Variants in SLC24A2 observed in about 807,000 individuals in gnomAD.
SLC24A2 encodes the protein sodium/potassium/calcium exchanger 2.
Under a neutral mutation model 62.0 loss-of-function variants are expected in SLC24A2, and 36 were observed. The ratio of observed to expected loss-of-function variants is 0.58; its 90% CI spans 0.44 to 0.77. The LOEUF (loss-of-function observed/expected upper bound fraction) is 0.77. Among genes scored for constraint, SLC24A2 ranks in the 30% least tolerant of loss-of-function variants. SLC24A2 has a pLI of 0.00. For synonymous variants in SLC24A2, 358 were observed against 294.0 expected (o/e 1.22, Z -2.23); for missense variants, 846 against 817.9 (o/e 1.03, Z -0.42).
At chr9:20,194,950 C>A in the SLC24A2 span, among the ~76,000 whole-genome samples, 1 of 152,052 alleles carries the variant, frequency 6.6e-6, no homozygotes, top group East Asian at 1.9e-4. Flanking sequence ...TAACTACATT[C>A]GTGTTTTTCT....
the SLC24A2 span, among the ~76,000 whole-genome samples, chr9:20,194,858 C>T: frequency 0.04 from 6,045 of 152,126 alleles, 409 homozygotes; most frequent in African/African-American, 0.14. Context: ...GACACACACA[C>T]GCATGCACAC....
the SLC24A2 span, among the ~76,000 whole-genome samples, chr9:20,265,203 G>C: frequency 6.6e-6 from 1 of 152,224 alleles, no homozygotes; most frequent in African/African-American, 2.4e-5. Flanking sequence ...GCTTCTGTCA[G>C]AGCAGCCGGC....
chr9:19,522,034 G>A (rs976785951), intron 9 of SLC24A2, among the ~76,000 whole-genome samples: 4 of 152,062 alleles, frequency 2.6e-5, no homozygotes, highest in Admixed American at 1.3e-4. Context: ...TTAGAGATGG[G>A]TTCTTGCTCT....
At chr9:20,080,282 T>G in the SLC24A2 span, among the ~76,000 whole-genome samples, 3 of 152,186 alleles carry the variant, frequency 2.0e-5, no homozygotes, top group Admixed American at 1.3e-4. Context: ...AACAGAGATA[T>G]AGACCAATGG....
the SLC24A2 span, among the ~76,000 whole-genome samples, chr9:20,170,132 A>T: frequency 0.15 from 19,775 of 132,818 alleles, 1,629 homozygotes; most frequent in Middle Eastern, 0.34. Context: ...CAACAAAGAC[A>T]AAAAGAAAAA....
At chr9:20,254,202 T>C in the SLC24A2 span, among the ~76,000 whole-genome samples, 1 of 152,238 alleles carries the variant, frequency 6.6e-6, no homozygotes, top group Non-Finnish European at 1.5e-5. Flanking sequence ...TTGAGGCACT[T>C]GGAATTTGTG....
At chr9:19,791,714 A>T (rs997695625), upstream of SLC24A2, among the ~76,000 whole-genome samples, 1 of 152,244 alleles carries the variant, frequency 6.6e-6, no homozygotes, top group Non-Finnish European at 1.5e-5. Context: ...CTTATTGCCT[A>T]GTCATAAAGA....
At chr9:19,934,238 C>T in the SLC24A2 span, among the ~76,000 whole-genome samples, 1 of 152,186 alleles carries the variant, frequency 6.6e-6, no homozygotes, top group Admixed American at 6.5e-5. The surrounding 1 kb of genome is among the most constrained non-coding windows in gnomAD (Gnocchi z 4.1). Context: ...CTTATTAGGG[C>T]AGTTTCCAAG....
chr9:19,836,948 C>G, the SLC24A2 span, among the ~76,000 whole-genome samples: 1 of 152,158 alleles, frequency 6.6e-6, no homozygotes, highest in Non-Finnish European at 1.5e-5. Context: ...AAATGTAATT[C>G]AGCATATAAA....
the SLC24A2 span, among the ~76,000 whole-genome samples, chr9:20,168,994 A>G: frequency 6.6e-6 from 1 of 152,072 alleles, no homozygotes; most frequent in African/African-American, 2.4e-5. Context: ...TGTGGTATAT[A>G]CACACAATGA....
At chr9:19,748,682 GTT>G (rs869284331) in intron 2 of SLC24A2, among the ~76,000 whole-genome samples, 2 of 25,488 alleles carry the variant, frequency 7.8e-5, no homozygotes, top group Admixed American at 2.4e-4. Context: ...TGATTTTTTT[GTT>G]TGTTTGTTTG....
the SLC24A2 span, among the ~76,000 whole-genome samples, chr9:20,219,550 G>A: frequency 9.7e-3 from 1,481 of 152,204 alleles, 65 homozygotes; most frequent in Admixed American, 0.07. Context: ...GGCAGGTTGC[G>A]CTTATGTTAA....
the SLC24A2 span, among the ~76,000 whole-genome samples, chr9:20,249,751 G>T: frequency 1.4e-5 from 2 of 147,748 alleles, no homozygotes; most frequent in Admixed American, 1.3e-4. Context: ...ATGTCATGTA[G>T]CACTGAGTAA....
the SLC24A2 span, among the ~76,000 whole-genome samples, chr9:20,285,327 G>A: frequency 6.6e-6 from 1 of 152,232 alleles, no homozygotes; most frequent in African/African-American, 2.4e-5. Flanking sequence ...GAGTTGGCTT[G>A]TGTGATTATG....
chr9:19,608,320 T>TC (rs1228286973), intron 4 of SLC24A2, among the ~76,000 whole-genome samples: 1 of 151,758 alleles, frequency 6.6e-6, no homozygotes, highest in East Asian at 1.9e-4. Flanking sequence ...TTTGAAGCTT[T>TC]TTTTTTTTTT....
the SLC24A2 span, among the ~76,000 whole-genome samples, chr9:19,825,450 T>G: frequency 1.3e-5 from 2 of 152,152 alleles, no homozygotes; most frequent in East Asian, 3.9e-4. Flanking sequence ...ACCTGACAAC[T>G]AGTTTATGAT....
chr9:19,832,901 AC>A, the SLC24A2 span, among the ~76,000 whole-genome samples: 4 of 152,202 alleles, frequency 2.6e-5, no homozygotes, highest in Non-Finnish European at 5.9e-5. Context: ...CAAGAAAAAA[AC>A]AAACAACCCC....
the SLC24A2 span, among the ~76,000 whole-genome samples, chr9:20,190,369 G>A: frequency 5.0e-4 from 76 of 152,138 alleles, no homozygotes; most frequent in African/African-American, 1.8e-3. Context: ...AATTAATAAA[G>A]GTGAAACTTC....
chr9:20,002,179 C>G, the SLC24A2 span, among the ~76,000 whole-genome samples: 32 of 152,214 alleles, frequency 2.1e-4, no homozygotes, highest in African/African-American at 7.5e-4. Flanking sequence ...ATTTCAACAT[C>G]GGAAGAGTAA....
Sources: allele counts gnomAD v4.1 joint callset (sites outside exome capture counted in the v4.1 genomes callset), GRCh38; gene constraint gnomAD v4.1.1; non-coding constraint Gnocchi (gnomAD v3.1); transcripts MANE v1.5; gene names NCBI Gene and HGNC (gene_info 2026-07-23, HGNC 2026-07-21).